Variants in ARHGAP23 observed in about 807,000 individuals in gnomAD.
ARHGAP23 encodes the protein Rho GTPase activating protein 23.
In ARHGAP23, 34 loss-of-function variants were observed where a neutral mutation model predicts 136.3. The ratio of observed to expected loss-of-function variants is 0.25; its 90% CI spans 0.19 to 0.33. The LOEUF (loss-of-function observed/expected upper bound fraction) is 0.33, where lower values mean the gene tolerates loss of function less well. Among genes scored for constraint, ARHGAP23 ranks in the 10% least tolerant of loss-of-function variants. The pLI is 1.00. For synonymous variants in ARHGAP23, 832 were observed against 920.5 expected, an observed-to-expected ratio of 0.90 and a Z score of 1.74; for missense variants, 1,808 against 2,139.0, an observed-to-expected ratio of 0.85 and a Z score of 3.05.
In ARHGAP23 at chr17:38,466,770, G is replaced by C; in HGVS notation, c.1087G>C (p.Glu363Gln). The change falls in exon 7 of 24, where the codon GAG (glutamate) becomes CAG (glutamine). Residue 363 changes from glutamate to glutamine, a missense_variant. Physicochemically the swap from Glu to Gln is conservative, Grantham distance 29. Transcript: ENST00000622683. ...DYLSRATRSA[E>Q]ALGPGALVSP... ...CTTGAGCCGGGCCACCCGTTCTGCC[G>C]AGGCACTGGGGCCAGGGGCACTGGT... The C allele has an allele frequency of 6.5e-7, 1 of 1,549,012 alleles. No individual in the cohort carries two copies.
Position 38,510,370 on chromosome 17 carries a change from G to A in ARHGAP23, c.3874G>A (p.Ala1292Thr). 11 of 1,246,724 alleles carry A rather than the reference G, an allele frequency of 8.8e-6. No individual in the cohort carries two copies. The highest frequency in any genetic ancestry group is 1.0e-5 in the Non-Finnish European group (10 of 996,454). 77.2% of individuals were successfully genotyped at this position (1,246,724 alleles called of 1,614,324 possible). A position where few individuals can be genotyped will look rare whatever the true frequency, so the allele number is the denominator to read the frequency against. The change falls in exon 24 of 24, where the codon GCG (alanine) becomes ACG (threonine). Residue 1292 changes from alanine to threonine, a missense_variant. Ala to Thr is a moderately conservative substitution (Grantham distance 58). This residue lies in a region of ARHGAP23 where 506 missense variants were observed against 455.8 expected (regional missense o/e 1.11). Transcript: ENST00000622683. The surrounding 1 kb of genome is among the most constrained non-coding windows in gnomAD (Gnocchi z 4.6). The stretch of plus-strand genomic sequence containing the variant: ...CCACGTGGAGACGGACACTGAGGGC[G>A]CGGCGGGCGCGGGGCCTGGGGGGCG... ...LSHVETDTEG[A>T]AGAGPGGRLT...
In ARHGAP23 at chr17:38,477,995, G is replaced by C; in HGVS notation, c.2436+99G>C. 7.9e-7 allele frequency: 1 copy of C among 1,263,936 alleles called. No homozygotes were observed. Among genetic ancestry groups the C allele is most frequent in the East Asian group, 2.5e-5 (1 of 39,246 alleles). 78.3% of individuals were successfully genotyped at this position (1,263,936 alleles called of 1,614,324 possible). Reference sequence around the variant, plus strand: ...CCCGCTCTGAGCCTCACTTCCCTCTGCTAGAAAGGGGGGCTGACAGGAGTG... The same window carrying C: ...CCCGCTCTGAGCCTCACTTCCCTCTCCTAGAAAGGGGGGCTGACAGGAGTG... On this transcript the variant is annotated intron_variant, in intron 12 of 23. Transcript: ENST00000622683. This position sits in a 1 kb window ranked among gnomAD's most constrained non-coding sequence, Gnocchi z 6.6.
At chr17:38,447,851 G>GTGTTTACTTT (rs1383167099) in intron 1 of ARHGAP23, among the ~76,000 whole-genome samples, 1 of 152,236 alleles carries the variant, frequency 6.6e-6, no homozygotes, top group Admixed American at 6.5e-5. Context: ...CTGTTGCCTG[G>GTGTTTACTTT]GCAATGGCCC....
intron 23 of ARHGAP23, among the ~76,000 whole-genome samples, 164 bp from the exon 24 acceptor site, chr17:38,509,780 C>A (rs1209578028): frequency 6.6e-6 from 1 of 152,106 alleles, no homozygotes; most frequent in East Asian, 1.9e-4. Context: ...CGGAGGGCGG[C>A]ACGGGGCTGG....
At position 38,469,884 on chromosome 17, in the gene ARHGAP23, C is replaced by G. The variant is rs1421484476; in HGVS notation, c.1954C>G (p.Arg652Gly). 4.5e-6 allele frequency: 7 copies of G among 1,551,730 alleles called. No homozygotes were observed. The highest frequency in any genetic ancestry group is 6.1e-6 in the Non-Finnish European group (7 of 1,146,994). ...PNRIPSLRML[R>G]SFFTDGSLDS... ...CCGCATACCCAGCCTGCGGATGCTC[C>G]GGAGCTTCTTCACCGACGGGGTGAG... is the stretch of plus-strand genomic sequence containing the variant. Residue 652 changes from arginine to glycine, a missense_variant, in exon 10 of 24, where the codon CGG becomes GGG. Physicochemically the swap from Arg to Gly is moderately radical, Grantham distance 125 (BLOSUM62 -2). Around this residue, in one of 7 missense-constraint regions of ARHGAP23, gnomAD observed 859 missense variants for 936.4 expected, o/e 0.92. Coordinates refer to ENST00000622683, the MANE Select transcript of ARHGAP23 (RefSeq NM_001199417.2).
In ARHGAP23 at chr17:38,466,227, A is replaced by G; in HGVS notation, c.544A>G (p.Ile182Val). Reference protein sequence around the residue: ...NEPYSGEARSIPEPPPICYPR... With the variant: ...NEPYSGEARSVPEPPPICYPR... ...GCCGTATTCTGGAGAGGCCCGCAGCATCCCAGAGCCACCCCCGATCTGCTA... is the reference window on the plus strand; with the variant it reads ...GCCGTATTCTGGAGAGGCCCGCAGCGTCCCAGAGCCACCCCCGATCTGCTA... Residue 182 changes from isoleucine (I) to valine (V), a missense_variant, in exon 7 of 24, where the codon ATC becomes GTC. Coordinates refer to ENST00000622683, the MANE Select transcript of ARHGAP23 (RefSeq NM_001199417.2). 6.5e-7 allele frequency: 1 copy of G among 1,543,582 alleles called. No homozygotes were observed. The highest frequency in any genetic ancestry group is 8.7e-7 in the Non-Finnish European group (1 of 1,143,222).
At chr17:38,502,189 C>T (rs1450966555) in intron 23 of ARHGAP23, among the ~76,000 whole-genome samples, 1 of 152,132 alleles carries the variant, frequency 6.6e-6, no homozygotes, top group Non-Finnish European at 1.5e-5. Context: ...GCCTGTAATC[C>T]CAGCTACTCA....
At chr17:38,476,985 A>C (rs2039908003) in intron 11 of ARHGAP23, among the ~76,000 whole-genome samples, 1 of 151,982 alleles carries the variant, frequency 6.6e-6, no homozygotes, top group African/African-American at 2.4e-5. Flanking sequence ...TCAGGTGCCG[A>C]GATAGGGTCT....
intron 2 of ARHGAP23, among the ~76,000 whole-genome samples, chr17:38,460,223 G>A (rs2039425106): frequency 6.6e-6 from 1 of 152,098 alleles, no homozygotes; most frequent in Admixed American, 6.5e-5. Flanking sequence ...CTGCACCCAG[G>A]TGCCAGAATC....
At position 38,477,633 on chromosome 17, in the gene ARHGAP23, C is replaced by T. The variant is rs1292716836; in HGVS notation, c.2173C>T (p.Arg725Cys). 1.6e-6 allele frequency: 2 copies of T among 1,271,400 alleles called. No homozygotes were observed. The highest frequency in any genetic ancestry group is 3.5e-5 in the East Asian group (1 of 28,204). 78.8% of individuals were successfully genotyped at this position (1,271,400 alleles called of 1,614,324 possible). A position where few individuals can be genotyped will look rare whatever the true frequency, so the allele number is the denominator to read the frequency against. The change falls in exon 12 of 24, where the codon CGC becomes TGC. Residue 725 changes from arginine to cysteine, a missense_variant. By Grantham distance (180) the Arg-to-Cys change is radical (BLOSUM62 -3). This residue lies in a region of ARHGAP23 where 139 missense variants were observed against 264.3 expected (regional missense o/e 0.53). Transcript: ENST00000622683. This position sits in a 1 kb window ranked among gnomAD's most constrained non-coding sequence, Gnocchi z 6.6. ...GCGGGTGTACGCCGCGCTGCGGGCGCGCTCGCTCTCGCTGAGCAAGGAGCG... is the reference window on the plus strand; with the variant it reads ...GCGGGTGTACGCCGCGCTGCGGGCGTGCTCGCTCTCGCTGAGCAAGGAGCG... ...WKRVYAALRA[R>C]SLSLSKERRE...
chr17:38,471,748 C>A, intron 10 of ARHGAP23, 115 bp from the exon 11 acceptor site: 1 of 1,234,290 alleles, frequency 8.1e-7, no homozygotes, highest in Non-Finnish European at 1.1e-6. Context: ...CACAGCACAT[C>A]GGGGTGTAGC....
rs1393721612 is a variant in ARHGAP23, at chr17:38,466,451, C to T, written c.768C>T (p.Ala256=). The part of the protein sequence containing the change: ...GMSQPRPSPG[A]FPHLSSEPRT... The stretch of plus-strand genomic sequence containing the variant: ...GCCAGCCCCGCCCCAGCCCTGGTGC[C>T]TTCCCCCACCTCTCCTCGGAGCCCC... Residue 256 remains alanine (A), a synonymous_variant, in exon 7 of 24, where the codon GCC becomes GCT. Coordinates refer to ENST00000622683, the MANE Select transcript of ARHGAP23 (RefSeq NM_001199417.2). 3.9e-6 allele frequency: 6 copies of T among 1,524,372 alleles called. No homozygotes were observed. Among genetic ancestry groups the T allele is most frequent in the Non-Finnish European group, 4.4e-6 (5 of 1,138,540 alleles). 94.4% of individuals were successfully genotyped at this position (1,524,372 alleles called of 1,614,324 possible).
intron 1 of ARHGAP23, among the ~76,000 whole-genome samples, chr17:38,442,875 G>C (rs1465500271): frequency 6.6e-6 from 1 of 152,204 alleles, no homozygotes; most frequent in South Asian, 2.1e-4. Context: ...CCAGAGAGGT[G>C]ACTGCCGCTT....
chr17:38,423,711 C>T (rs531225932), upstream of ARHGAP23, among the ~76,000 whole-genome samples: 18 of 151,918 alleles, frequency 1.2e-4, no homozygotes, highest in African/African-American at 3.6e-4. Context: ...GGGCCCCTCT[C>T]GCTTTGGAGA....
At chr17:38,425,192 T>C (rs185005762), upstream of ARHGAP23, among the ~76,000 whole-genome samples, 364 of 152,308 alleles carry the variant, frequency 2.4e-3, 1 homozygote, top group Non-Finnish European at 2.6e-3. Context: ...CTGTGTTTCC[T>C]TCCTCATCCC....
At chr17:38,445,639 CTT>C (rs10708272) in intron 1 of ARHGAP23, among the ~76,000 whole-genome samples, 84 of 144,968 alleles carry the variant, frequency 5.8e-4, no homozygotes, top group African/African-American at 1.0e-3. Context: ...TCATTCATTC[CTT>C]TTTTTTTTTT....
chr17:38,512,171 ATAT>A lies in ARHGAP23; in HGVS notation c.*1203_*1205del, dbSNP rs1171418926. On this transcript the variant is annotated 3_prime_UTR_variant, in exon 24 of 24. Coordinates refer to ENST00000622683, the MANE Select transcript of ARHGAP23 (RefSeq NM_001199417.2). The stretch of plus-strand genomic sequence containing the variant: ...TAAATATTGTCTCTAAATGTGTAAC[ATAT>A]TATAAAGAATTTATAAGGATTTTTA... 1 of 152,212 alleles carries A rather than the reference ATAT, an allele frequency of 6.6e-6. No individual in the cohort carries two copies. The highest frequency in any genetic ancestry group is 6.5e-5 in the Admixed American group (1 of 15,282). The allele number at this position is 152,212 out of a possible 1,614,324, so 9.4% of individuals were successfully genotyped here. A position where few individuals can be genotyped will look rare whatever the true frequency, so the allele number is the denominator to read the frequency against.
intron 23 of ARHGAP23, among the ~76,000 whole-genome samples, chr17:38,507,325 G>A (rs895952994): frequency 5.2e-5 from 7 of 134,648 alleles, no homozygotes. Context: ...CTGGTGCAAG[G>A]GTCCCCTGTA....
intron 20 of ARHGAP23, among the ~76,000 whole-genome samples, chr17:38,495,643 G>A (rs555124954): frequency 1.3e-5 from 2 of 152,092 alleles, no homozygotes; most frequent in African/African-American, 4.8e-5. Flanking sequence ...GATCATGAGC[G>A]ATAATAACTG....
Sources: allele counts gnomAD v4.1 joint callset (sites outside exome capture counted in the v4.1 genomes callset), GRCh38; gene constraint gnomAD v4.1.1; regional missense constraint gnomAD v4.1.1; non-coding constraint Gnocchi (gnomAD v3.1); transcripts MANE v1.5; gene names NCBI Gene and HGNC (gene_info 2026-07-23, HGNC 2026-07-21).